The following MKLN1 variants were observed in gnomAD, a reference collection of about 807,000 sequenced individuals.
MKLN1 encodes muskelin 1.
A neutral mutation model predicts 99.0 loss-of-function variants in MKLN1; 18 were observed. That is an observed-to-expected ratio of 0.18 (90% CI 0.13 to 0.27). The LOEUF (loss-of-function observed/expected upper bound fraction) is 0.27, where lower values mean the gene tolerates loss of function less well. Among genes scored for constraint, MKLN1 ranks in the 10% least tolerant of loss-of-function variants. The pLI is 1.00. For missense variants in MKLN1, 621 were observed against 875.9 expected (o/e 0.71, Z 3.67); for synonymous variants, 288 against 293.2 (o/e 0.98, Z 0.18).
At chr7:131,467,900 CT>C (rs1796704202) in intron 15 of MKLN1, among the ~76,000 whole-genome samples, 1 of 152,258 alleles carries the variant, frequency 6.6e-6, no homozygotes, top group Admixed American at 6.5e-5. Context: ...ATTTGGGGCA[CT>C]TTAGGTTTGA....
intron 1 of MKLN1, among the ~76,000 whole-genome samples, chr7:131,127,450 T>A (rs74887196): frequency 0.018 from 2,768 of 152,024 alleles, 34 homozygotes; most frequent in Non-Finnish European, 0.026. Context: ...GAAAAACTGA[T>A]CAAAACCTCT....
At chr7:131,346,973 C>T (rs1432241520) in intron 1 of MKLN1, among the ~76,000 whole-genome samples, 1 of 152,090 alleles carries the variant, frequency 6.6e-6, no homozygotes, top group African/African-American at 2.4e-5. Context: ...CCAGAAGGTC[C>T]ACCTTCTCAC....
At chr7:131,299,581 T>G (rs1283617335) in intron 3 of MKLN1, among the ~76,000 whole-genome samples, 1 of 152,226 alleles carries the variant, frequency 6.6e-6, no homozygotes, top group African/African-American at 2.4e-5. Context: ...AGCACTCATT[T>G]AATTTTACAT....
chr7:131,194,872 C>T (rs1052742802), intron 2 of MKLN1, among the ~76,000 whole-genome samples: 2 of 152,128 alleles, frequency 1.3e-5, no homozygotes, highest in East Asian at 1.9e-4. Flanking sequence ...ATGTTAATAT[C>T]GCATTCAGGT....
intron 8 of MKLN1, among the ~76,000 whole-genome samples, chr7:131,423,401 C>T (rs1795262802): frequency 6.6e-6 from 1 of 152,180 alleles, no homozygotes; most frequent in Non-Finnish European, 1.5e-5. Context: ...GGCACAGTCT[C>T]AGCTCACTGC....
chr7:131,180,909 A>G (rs542840961), intron 2 of MKLN1, among the ~76,000 whole-genome samples: 1 of 152,302 alleles, frequency 6.6e-6, no homozygotes, highest in African/African-American at 2.4e-5. Flanking sequence ...CAATACATAA[A>G]TGACTTTCTA....
In MKLN1 at chr7:131,192,162, CTTATGTAT is replaced by C. The variant is rs1796563271; in HGVS notation, c.-296-10694_-296-10687del. Among the ~76,000 whole-genome samples, 13 of 105,258 alleles carry C rather than the reference CTTATGTAT, an allele frequency of 1.2e-4. 1 individual carries two copies. Among genetic ancestry groups the C allele is most frequent in the African/African-American group, 3.1e-4 (7 of 22,614 alleles). 69.1% of individuals were successfully genotyped at this position (105,258 alleles called of 152,430 possible). ...ATATATACGTATATATACATATATA[CTTATGTAT>C]AATATATAAAAATATATAAAATATA... On this transcript the variant is annotated intron_variant, in intron 2 of 7. Coordinates refer to the MKLN1 transcript ENST00000416992.
intron 12 of MKLN1, among the ~76,000 whole-genome samples, chr7:131,446,313 T>G (rs1796016350): frequency 6.6e-6 from 1 of 152,226 alleles, no homozygotes; most frequent in Non-Finnish European, 1.5e-5. Context: ...ACCTTGTAAG[T>G]TTAAAAGCTC....
At chr7:131,126,836 G>A (rs1795468741) in intron 1 of MKLN1, among the ~76,000 whole-genome samples, 1 of 152,206 alleles carries the variant, frequency 6.6e-6, no homozygotes, top group African/African-American at 2.4e-5. Context: ...TTACAGGCAT[G>A]AGCCATCGCA....
intron 3 of MKLN1, among the ~76,000 whole-genome samples, chr7:131,221,851 T>C (rs1797065513): frequency 6.6e-6 from 1 of 151,414 alleles, no homozygotes; most frequent in Non-Finnish European, 1.5e-5. Flanking sequence ...AACACTTAAA[T>C]AGTTCTTGCT....
chr7:131,161,959 GTGTGTATATATATATATATATATATATA>G (rs375363791), intron 2 of MKLN1, among the ~76,000 whole-genome samples: 7,313 of 67,812 alleles, frequency 0.11, 396 homozygotes, highest in African/African-American at 0.26. Flanking sequence ...ACGTGTGTGT[GTGTGTATATATATATATATATATATATA>G]TATATATATA....
At chr7:131,421,360 C>T (rs1044137367) in intron 8 of MKLN1, among the ~76,000 whole-genome samples, 1 of 152,120 alleles carries the variant, frequency 6.6e-6, no homozygotes, top group African/African-American at 2.4e-5. Flanking sequence ...TAATCACTTT[C>T]AAAGAGATTG....
chr7:131,396,111 C>T (rs572149721), intron 4 of MKLN1, among the ~76,000 whole-genome samples: 34 of 152,156 alleles, frequency 2.2e-4, no homozygotes, highest in Middle Eastern at 6.8e-3. Context: ...CTTATTCTGT[C>T]GCCCAGGCTG....
At chr7:131,413,517 C>A (rs1038667183) in intron 7 of MKLN1, among the ~76,000 whole-genome samples, 3 of 151,902 alleles carry the variant, frequency 2.0e-5, no homozygotes, top group Admixed American at 6.6e-5. Context: ...ATCTTACAAC[C>A]TTTTGAACTA....
intron 1 of MKLN1, among the ~76,000 whole-genome samples, chr7:131,131,436 T>C (rs1795550129): frequency 6.6e-6 from 1 of 152,166 alleles, no homozygotes; most frequent in South Asian, 2.1e-4. Flanking sequence ...GCGGTAATAA[T>C]AACACCACTT....
At chr7:131,248,364 C>A (rs1170639668) in intron 3 of MKLN1, among the ~76,000 whole-genome samples, 1 of 152,106 alleles carries the variant, frequency 6.6e-6, no homozygotes, top group South Asian at 2.1e-4. Flanking sequence ...GATAGTTACC[C>A]CTCTATCTCT....
intron 3 of MKLN1, among the ~76,000 whole-genome samples, chr7:131,307,177 G>A (rs1322816131): frequency 6.6e-6 from 1 of 152,152 alleles, no homozygotes; most frequent in East Asian, 1.9e-4. Context: ...GTGGTATTGG[G>A]CCTGTAGGTG....
At chr7:131,352,434 T>G (rs1799747715) in intron 1 of MKLN1, among the ~76,000 whole-genome samples, 1 of 152,302 alleles carries the variant, frequency 6.6e-6, no homozygotes, top group East Asian at 1.9e-4. Context: ...AATAAATTTT[T>G]TTAAGAGAAA....
intron 3 of MKLN1, among the ~76,000 whole-genome samples, chr7:131,248,961 C>T (rs1797537473): frequency 6.6e-6 from 1 of 152,212 alleles, no homozygotes; most frequent in African/African-American, 2.4e-5. Flanking sequence ...TTACCACTTT[C>T]CTCACCTTCT....
Sources: allele counts gnomAD v4.1 joint callset (sites outside exome capture counted in the v4.1 genomes callset), GRCh38; gene constraint gnomAD v4.1.1; transcripts MANE v1.5; gene names NCBI Gene and HGNC (gene_info 2026-07-23, HGNC 2026-07-21).